CNTNAP4: variants seen among roughly 807,000 people sequenced by gnomAD.
CNTNAP4 encodes the protein contactin associated protein family member 4, also known as contactin-associated protein-like 4.
A neutral mutation model predicts 148.4 loss-of-function variants in CNTNAP4; 98 were observed. The ratio of observed to expected loss-of-function variants is 0.66; its 90% CI spans 0.56 to 0.78. The LOEUF (loss-of-function observed/expected upper bound fraction) is 0.78, where lower values mean the gene tolerates loss of function less well. Ranked by LOEUF, CNTNAP4 falls within the 30% of genes least tolerant of loss-of-function variation. The pLI is 0.00. For missense variants in CNTNAP4, 1,935 were observed against 1,565.6 expected, an observed-to-expected ratio of 1.24 and a Z score of -3.98; for synonymous variants, 730 against 565.1, an observed-to-expected ratio of 1.29 and a Z score of -4.14.
chr16:76,303,811 A>G (rs569888090), intron 1 of CNTNAP4, among the ~76,000 whole-genome samples: 1 of 152,318 alleles, frequency 6.6e-6, no homozygotes, highest in African/African-American at 2.4e-5. Context: ...TGAGAAAACA[A>G]TGCATCGTAA....
intron 3 of CNTNAP4, among the ~76,000 whole-genome samples, chr16:76,373,907 A>C (rs1411644391): frequency 1.3e-5 from 2 of 151,628 alleles, no homozygotes; most frequent in African/African-American, 4.8e-5. Context: ...CAAAAAAAAA[A>C]AAAAAAAGAA....
intron 4 of CNTNAP4, among the ~76,000 whole-genome samples, chr16:76,443,305 C>T (rs2080114297): frequency 6.6e-6 from 1 of 152,156 alleles, no homozygotes. Flanking sequence ...CTTCAGATTT[C>T]ACATTTTTCC....
At chr16:76,323,733 G>A (rs754727927) in intron 2 of CNTNAP4, among the ~76,000 whole-genome samples, 28 of 151,922 alleles carry the variant, frequency 1.8e-4, no homozygotes, top group Non-Finnish European at 2.9e-4. Context: ...GTCTTGGTGC[G>A]TTTTCCATCT....
At position 76,399,641 on chromosome 16, in the gene CNTNAP4, T is replaced by C. The variant is rs1226864662; in HGVS notation, c.391-27811T>C. ...TAGTAGATTAAAAAAGAGTATCTTT[T>C]GCATTTCCTTTTTCGTTTATAGTTT... On this transcript the variant is annotated intron_variant, in intron 3 of 23. Coordinates refer to ENST00000611870, the MANE Select transcript of CNTNAP4 (RefSeq NM_033401.5). Among the ~76,000 whole-genome samples the C allele has an allele frequency of 2.0e-5, 3 of 152,192 alleles. No homozygotes were observed. The East Asian group carries it at 5.8e-4, about 29-fold the overall frequency.
In CNTNAP4 at chr16:76,522,701, CTTT is replaced by C. The variant is rs879904098; in HGVS notation, c.2755+446_2755+448del. 3.1e-3 allele frequency among the ~76,000 whole-genome samples: 69 copies of C among 22,162 alleles called. 3 individuals carry two copies. The highest frequency in any genetic ancestry group is 8.9e-3 in the African/African-American group (28 of 3,148). 14.5% of individuals were successfully genotyped at this position (22,162 alleles called of 152,430 possible). A position where few individuals can be genotyped will look rare whatever the true frequency, so the allele number is the denominator to read the frequency against. ...CTCTTTCTCTCCTTTCTTTTCTTTTCTTTTCTTTTCTTTTCTTTTCTTTTCTTT... is the reference window on the plus strand; with the variant it reads ...CTCTTTCTCTCCTTTCTTTTCTTTTCTCTTTTCTTTTCTTTTCTTTTCTTT... On this transcript the variant is annotated intron_variant, in intron 17 of 23. Coordinates refer to ENST00000611870, the MANE Select transcript of CNTNAP4 (RefSeq NM_033401.5).
chr16:76,530,031 G>A (rs544087111), intron 17 of CNTNAP4, among the ~76,000 whole-genome samples: 2 of 152,004 alleles, frequency 1.3e-5, no homozygotes, highest in Non-Finnish European at 2.9e-5. Context: ...TTTTCTATGA[G>A]ATTGTCTTAT....
At chr16:76,384,969 A>G (rs537464617) in intron 3 of CNTNAP4, among the ~76,000 whole-genome samples, 2 of 152,352 alleles carry the variant, frequency 1.3e-5, no homozygotes, top group Non-Finnish European at 2.9e-5. Flanking sequence ...TACAGTCAGC[A>G]TTCAACCGGT....
rs551893708 is a variant in CNTNAP4, at chr16:76,298,588, G to C, written c.86-17825G>C. On this transcript the variant is annotated intron_variant, in intron 1 of 23. Transcript: ENST00000611870. ...TCTCAGTTCTAGGGTCCACCCAAGC[G>C]GAAGAATTCATTAGAATCTGAAATG... Among the ~76,000 whole-genome samples the C allele has an allele frequency of 2.0e-5, 3 of 149,434 alleles. No homozygotes were observed. The South Asian group carries it at 6.6e-4, about 33-fold the overall frequency.
chr16:76,456,209 C>A (rs1223478249), intron 8 of CNTNAP4, among the ~76,000 whole-genome samples: 2 of 152,108 alleles, frequency 1.3e-5, no homozygotes, highest in African/African-American at 4.8e-5. Context: ...GAGAACACAC[C>A]CTGGAAACCA....
intron 1 of CNTNAP4, among the ~76,000 whole-genome samples, chr16:76,308,007 G>T (rs1019702060): frequency 6.6e-6 from 1 of 152,200 alleles, no homozygotes; most frequent in Non-Finnish European, 1.5e-5. Flanking sequence ...AAAATGCATA[G>T]AAATTTATAG....
At chr16:76,301,076 C>T (rs1442058683) in intron 1 of CNTNAP4, among the ~76,000 whole-genome samples, 1 of 151,786 alleles carries the variant, frequency 6.6e-6, no homozygotes, top group Admixed American at 6.6e-5. Flanking sequence ...GACATGAAAA[C>T]AAAGAAAAAC....
intron 3 of CNTNAP4, among the ~76,000 whole-genome samples, chr16:76,419,092 T>G (rs1385108973): frequency 6.6e-6 from 1 of 151,972 alleles, no homozygotes; most frequent in African/African-American, 2.4e-5. Context: ...TTTAAGTGTT[T>G]CAGTGGGTTG....
At chr16:76,470,403 G>T (rs2081321280) in intron 10 of CNTNAP4, among the ~76,000 whole-genome samples, 1 of 150,214 alleles carries the variant, frequency 6.7e-6, no homozygotes, top group African/African-American at 2.5e-5. Flanking sequence ...CACTTTGGGA[G>T]GCCAAGACGG....
chr16:76,523,824 A>T (rs9941180), intron 17 of CNTNAP4, among the ~76,000 whole-genome samples: 1 of 152,268 alleles, frequency 6.6e-6, no homozygotes, highest in Non-Finnish European at 1.5e-5. Context: ...CCCAGCGTTC[A>T]AGAAGCTGAG....
intron 2 of CNTNAP4, among the ~76,000 whole-genome samples, chr16:76,317,686 T>C (rs1186911015): frequency 1.3e-5 from 2 of 151,968 alleles, no homozygotes; most frequent in African/African-American, 2.4e-5. Context: ...ACACTGAACA[T>C]TGGACATGAC....
At chr16:76,432,135 A>G (rs905180909) in intron 4 of CNTNAP4, among the ~76,000 whole-genome samples, 4 of 152,208 alleles carry the variant, frequency 2.6e-5, no homozygotes, top group African/African-American at 9.7e-5. Flanking sequence ...TTCCGTCATA[A>G]TAAAAGCAGC....
chr16:76,285,700 T>C (rs930823593), intron 1 of CNTNAP4, among the ~76,000 whole-genome samples: 1 of 152,148 alleles, frequency 6.6e-6, no homozygotes, highest in Non-Finnish European at 1.5e-5. Flanking sequence ...TTGTATACTT[T>C]TTAGAAAAAT....
In CNTNAP4 at chr16:76,316,432, T is replaced by C; in HGVS notation, c.105T>C (p.Leu35=). The change falls in exon 2 of 24, where the codon CTT becomes CTC. Residue 35 remains leucine (L), a synonymous_variant. Coordinates refer to ENST00000611870, the MANE Select transcript of CNTNAP4 (RefSeq NM_033401.5). ...TGGCAGATGACTGTGATGATCCTCTTGTGTCTGCCTTGCCTCAGGCATCCT... is the reference window on the plus strand; with the variant it reads ...TGGCAGATGACTGTGATGATCCTCTCGTGTCTGCCTTGCCTCAGGCATCCT... ...AGNSYDCDDP[L]VSALPQASFS... 1 of 1,613,710 alleles carries C rather than the reference T, an allele frequency of 6.2e-7. No individual in the cohort carries two copies. The highest frequency in any genetic ancestry group is 8.5e-7 in the Non-Finnish European group (1 of 1,179,676).
Position 76,277,756 on chromosome 16 carries a change from A to G in CNTNAP4, c.85+9A>G. The G allele has an allele frequency of 1.3e-6, 2 of 1,542,630 alleles. No individual in the cohort carries two copies. Among genetic ancestry groups the G allele is most frequent in the Non-Finnish European group, 1.8e-6 (2 of 1,126,004 alleles). ...CGAAGCTGGGAATTCCTGTAAGTAT[A>G]CAGCAAATGATTTAAAACTTGCTGG... On this transcript the variant is annotated intron_variant, in intron 1 of 23. Transcript: ENST00000611870.
Sources: allele counts gnomAD v4.1 joint callset (sites outside exome capture counted in the v4.1 genomes callset), GRCh38; gene constraint gnomAD v4.1.1; transcripts MANE v1.5; gene names NCBI Gene and HGNC (gene_info 2026-07-23, HGNC 2026-07-21).